PLPPR1: variants seen among roughly 807,000 people sequenced by gnomAD.
PLPPR1 encodes phospholipid phosphatase-related protein type 1.
Under a neutral mutation model 33.1 loss-of-function variants are expected in PLPPR1, and 10 were observed. The ratio of observed to expected loss-of-function variants is 0.30; its 90% CI spans 0.19 to 0.51. The LOEUF is 0.51. PLPPR1 is among the 20% of genes least tolerant of loss of function. The probability of loss-of-function intolerance (pLI) is 0.97; values close to 1 mark genes in which losing one functional copy is unlikely to be tolerated. For synonymous variants in PLPPR1, 151 were observed against 151.0 expected, an observed-to-expected ratio of 1.00 and a Z score of 0.00; for missense variants, 304 against 408.1, an observed-to-expected ratio of 0.74 and a Z score of 2.20.
chr9:101,083,531 C>A (rs1830644806), intron 1 of PLPPR1, among the ~76,000 whole-genome samples: 1 of 152,136 alleles, frequency 6.6e-6, no homozygotes. Context: ...AATGAAGCCT[C>A]CCGTAAGCAT....
chr9:101,114,029 A>G (rs963760717), intron 1 of PLPPR1, among the ~76,000 whole-genome samples: 5 of 149,632 alleles, frequency 3.3e-5, no homozygotes, highest in Non-Finnish European at 7.4e-5. Context: ...GAAAATAGGG[A>G]CAGTTCAGAT....
chr9:101,222,427 AG>A, intron 2 of PLPPR1, among the ~76,000 whole-genome samples: 1 of 152,328 alleles, frequency 6.6e-6, no homozygotes, highest in South Asian at 2.1e-4. Flanking sequence ...GCAGAGGGCT[AG>A]CCTTCTGAGA....
chr9:101,108,502 T>C (rs894547835), intron 1 of PLPPR1, among the ~76,000 whole-genome samples: 3 of 152,220 alleles, frequency 2.0e-5, no homozygotes, highest in Non-Finnish European at 4.4e-5. Context: ...TATTGTCCAC[T>C]TTGAGACTCT....
chr9:101,144,787 G>T (rs1165452765), intron 1 of PLPPR1, among the ~76,000 whole-genome samples: 2 of 152,164 alleles, frequency 1.3e-5, no homozygotes, highest in Non-Finnish European at 2.9e-5. Flanking sequence ...AAAACTACTG[G>T]TCTGAAGAAC....
intron 2 of PLPPR1, among the ~76,000 whole-genome samples, chr9:101,256,990 C>A (rs1171420689): frequency 6.6e-6 from 1 of 152,008 alleles, no homozygotes; most frequent in East Asian, 1.9e-4. Context: ...CTGCATTTCC[C>A]AAATTCAGTT....
At chr9:101,031,042 A>G (rs373449800) in intron 1 of PLPPR1, among the ~76,000 whole-genome samples, 1 of 152,284 alleles carries the variant, frequency 6.6e-6, no homozygotes, top group East Asian at 1.9e-4. Flanking sequence ...TAAGATAGAA[A>G]TCTGAGTGTT....
chr9:101,141,943 C>T (rs1217858365), intron 1 of PLPPR1, among the ~76,000 whole-genome samples: 1 of 152,160 alleles, frequency 6.6e-6, no homozygotes, highest in Non-Finnish European at 1.5e-5. Flanking sequence ...ATGCATAACC[C>T]TGCTAATTGG....
chr9:101,073,035 A>C (rs1258765537), intron 1 of PLPPR1, among the ~76,000 whole-genome samples: 1 of 152,238 alleles, frequency 6.6e-6, no homozygotes, highest in Non-Finnish European at 1.5e-5. Flanking sequence ...CTACCCTGAC[A>C]AATGCAGAAA....
chr9:101,066,954 C>T (rs1830425797), intron 1 of PLPPR1, among the ~76,000 whole-genome samples: 1 of 152,014 alleles, frequency 6.6e-6, no homozygotes, highest in Non-Finnish European at 1.5e-5. Flanking sequence ...CTGAGCTAGA[C>T]ATTTTAGTTA....
chr9:101,140,940 G>A (rs757599104), intron 1 of PLPPR1, among the ~76,000 whole-genome samples: 7 of 152,160 alleles, frequency 4.6e-5, no homozygotes, highest in East Asian at 3.9e-4. Context: ...CGACCTCAAG[G>A]TCTGCCAGAA....
intron 6 of PLPPR1, among the ~76,000 whole-genome samples, chr9:101,315,404 A>T (rs2118963882): frequency 6.6e-6 from 1 of 152,344 alleles, no homozygotes; most frequent in South Asian, 2.1e-4. Context: ...TAAAGCCGCC[A>T]TCCCCAGTTA....
intron 1 of PLPPR1, among the ~76,000 whole-genome samples, chr9:101,148,632 A>AT (rs1285724644): frequency 2.0e-5 from 3 of 151,996 alleles, no homozygotes; most frequent in South Asian, 2.1e-4. Context: ...CCTCTTAAAG[A>AT]TTTTTTGCCA....
At chr9:101,224,918 T>C (rs1236007218) in intron 2 of PLPPR1, among the ~76,000 whole-genome samples, 1 of 152,214 alleles carries the variant, frequency 6.6e-6, no homozygotes, top group Non-Finnish European at 1.5e-5. Context: ...CAACCCTTAG[T>C]ATATAATTAG....
chr9:101,294,355 C>A (rs1407921890), intron 4 of PLPPR1, among the ~76,000 whole-genome samples: 3 of 151,782 alleles, frequency 2.0e-5, no homozygotes, highest in South Asian at 2.1e-4. Flanking sequence ...GGATTCACAG[C>A]CGAATTCTAC....
chr9:101,301,989 T>A (rs1828762817), intron 4 of PLPPR1, among the ~76,000 whole-genome samples: 1 of 152,234 alleles, frequency 6.6e-6, no homozygotes, highest in African/African-American at 2.4e-5. Flanking sequence ...GGTCTGATGC[T>A]TATCCATATG....
At chr9:101,108,124 T>C (rs917494168) in intron 1 of PLPPR1, among the ~76,000 whole-genome samples, 11 of 146,834 alleles carry the variant, frequency 7.5e-5, no homozygotes, top group African/African-American at 2.9e-4. Flanking sequence ...TCGCTCACGC[T>C]GGGAGCTGTA....
chr9:101,294,387 G>A (rs1828580133), intron 4 of PLPPR1, among the ~76,000 whole-genome samples: 2 of 151,828 alleles, frequency 1.3e-5, no homozygotes, highest in African/African-American at 4.8e-5. Context: ...GGAGGAACTG[G>A]TATCATTCCT....
intron 1 of PLPPR1, among the ~76,000 whole-genome samples, chr9:101,079,765 A>C (rs1406542090): frequency 6.6e-6 from 1 of 151,968 alleles, no homozygotes; most frequent in Non-Finnish European, 1.5e-5. Context: ...TTTTTAGTAG[A>C]GGCTTGGTTT....
chr9:101,063,087 T>G (rs1368081235), intron 1 of PLPPR1, among the ~76,000 whole-genome samples: 1 of 152,020 alleles, frequency 6.6e-6, no homozygotes, highest in Non-Finnish European at 1.5e-5. Flanking sequence ...GAGTGAGATA[T>G]TTGAGGAGAT....
Sources: gnomAD v4.1 joint callset for allele counts (sites outside exome capture counted in the v4.1 genomes callset) on GRCh38, gnomAD v4.1.1 for gene constraint, MANE v1.5 for transcripts, NCBI Gene and HGNC (gene_info 2026-07-23, HGNC 2026-07-21) for gene names.